Variants in MED27 observed in about 807,000 individuals in gnomAD.
The protein encoded by MED27 is mediator complex subunit 27.
In MED27, 30 loss-of-function variants were observed where a neutral mutation model predicts 38.2. The observed-to-expected ratio is 0.79, with a 90% confidence interval of 0.59 to 1.07. The LOEUF is 1.07. MED27 is among the 50% of genes least tolerant of loss of function. The pLI is 0.00. For synonymous variants in MED27, 122 were observed against 153.5 expected (o/e 0.79, Z 1.52); for missense variants, 289 against 397.5 (o/e 0.73, Z 2.32).
chr9:131,899,866 G>A (rs1400873937), intron 4 of MED27, among the ~76,000 whole-genome samples: 1 of 152,218 alleles, frequency 6.6e-6, no homozygotes, highest in African/African-American at 2.4e-5. Context: ...CTGATAAAGA[G>A]ATGCAGCACA....
At chr9:132,076,081 A>G (rs1297026057) in intron 2 of MED27, among the ~76,000 whole-genome samples, 1 of 152,108 alleles carries the variant, frequency 6.6e-6, no homozygotes, top group Non-Finnish European at 1.5e-5. Context: ...ATGTATATCC[A>G]CAGCTGCTGA....
chr9:131,906,165 C>T (rs949951515), intron 4 of MED27, among the ~76,000 whole-genome samples: 5 of 152,316 alleles, frequency 3.3e-5, no homozygotes, highest in South Asian at 2.1e-4. Flanking sequence ...GTACCCACCA[C>T]GTGCCAAGCA....
chr9:131,952,403 C>G (rs929069684), intron 3 of MED27, among the ~76,000 whole-genome samples: 2 of 152,180 alleles, frequency 1.3e-5, no homozygotes, highest in Admixed American at 1.3e-4. Flanking sequence ...CATCACAGAC[C>G]TTGTTCCTGG....
At chr9:131,952,475 A>G (rs997436174) in intron 3 of MED27, among the ~76,000 whole-genome samples, 3 of 151,984 alleles carry the variant, frequency 2.0e-5, no homozygotes, top group Non-Finnish European at 4.4e-5. Context: ...CTGCCCCACT[A>G]CCTTATGTAA....
At chr9:131,869,965 G>A (rs956861518) in intron 6 of MED27, among the ~76,000 whole-genome samples, 1 of 152,048 alleles carries the variant, frequency 6.6e-6, no homozygotes, top group African/African-American at 2.4e-5. Flanking sequence ...GGAGAGAATG[G>A]AGCTTAGGGA....
At chr9:131,988,087 A>G (rs547539835) in intron 3 of MED27, among the ~76,000 whole-genome samples, 1 of 152,382 alleles carries the variant, frequency 6.6e-6, no homozygotes, top group African/African-American at 2.4e-5. Context: ...ACAACAGTCA[A>G]TAAGTAAAAT....
chr9:131,986,904 G>T (rs1831862026), intron 3 of MED27, among the ~76,000 whole-genome samples: 1 of 149,638 alleles, frequency 6.7e-6, no homozygotes, highest in Admixed American at 6.7e-5. Context: ...TTTGCTGAAT[G>T]AATGAACTGA....
At chr9:131,871,230 T>C (rs1374654789) in intron 6 of MED27, among the ~76,000 whole-genome samples, 6 of 152,048 alleles carry the variant, frequency 3.9e-5, no homozygotes, top group Non-Finnish European at 8.8e-5. Context: ...TTTTTCCTAC[T>C]CAGGCCCTCT....
chr9:131,869,663 T>A (rs916265435), intron 6 of MED27, among the ~76,000 whole-genome samples: 1 of 151,928 alleles, frequency 6.6e-6, no homozygotes, highest in African/African-American at 2.4e-5. Flanking sequence ...AGGGTAGCAA[T>A]AAACCAGTGA....
Position 131,963,947 on chromosome 9 carries a change from C to T in MED27, c.480-24473G>A, listed in dbSNP as rs113180246. On this transcript the variant is annotated intron_variant, in intron 3 of 7. Coordinates refer to ENST00000292035, the MANE Select transcript of MED27 (RefSeq NM_004269.4). ...CTCCATACTTCTTGGTTCTTGACTG[C>T]GTTCCAATTTATTACGGGGGTTAAA... 1.9e-3 allele frequency among the ~76,000 whole-genome samples: 290 copies of T among 152,166 alleles called. 1 individual carries two copies. The highest frequency in any genetic ancestry group is 6.1e-3 in the African/African-American group (252 of 41,530).
intron 3 of MED27, among the ~76,000 whole-genome samples, chr9:132,012,891 AG>A (rs1239460743): frequency 6.6e-6 from 1 of 152,202 alleles, no homozygotes; most frequent in Non-Finnish European, 1.5e-5. Context: ...GACACAGAGT[AG>A]GTACAATAAA....
intron 3 of MED27, among the ~76,000 whole-genome samples, chr9:132,010,409 T>C (rs1187878632): frequency 1.3e-5 from 2 of 152,100 alleles, no homozygotes; most frequent in Non-Finnish European, 2.9e-5. Context: ...TGTGGAGAAA[T>C]AGGAACACTT....
rs1491112467 is a variant in MED27, at chr9:132,062,615, CAT to C, written c.348+14825_348+14826del. ...TGAGCACGAGAAGGAGTCATCAATA[CAT>C]TTTTTTTTTTTTTTTAAACAGACAG... is the stretch of plus-strand genomic sequence containing the variant. On this transcript the variant is annotated intron_variant, in intron 2 of 7. Transcript: ENST00000292035. 5.2e-5 allele frequency among the ~76,000 whole-genome samples: 5 copies of C among 95,806 alleles called. No homozygotes were observed. The East Asian group carries it at 1.5e-3, about 28-fold the overall frequency. The allele number at this position is 95,806 out of a possible 152,430, so 62.9% of individuals were successfully genotyped here.
chr9:131,932,849 T>C (rs1426471564), intron 4 of MED27, among the ~76,000 whole-genome samples: 1 of 152,146 alleles, frequency 6.6e-6, no homozygotes, highest in Non-Finnish European at 1.5e-5. Context: ...CTGATGATTA[T>C]TGATGCAAAA....
chr9:132,032,313 A>C (rs1832981955), intron 2 of MED27: 1 of 152,160 alleles, frequency 6.6e-6, no homozygotes, highest in South Asian at 2.1e-4. Flanking sequence ...TTTGGTGTTT[A>C]CCGAGAAAGT....
chr9:132,035,535 T>C (rs1833054443), intron 2 of MED27, among the ~76,000 whole-genome samples: 1 of 152,080 alleles, frequency 6.6e-6, no homozygotes, highest in African/African-American at 2.4e-5. Context: ...TAGTAAATAG[T>C]GTGGTAAAGG....
At chr9:131,910,055 A>G (rs1378086373) in intron 4 of MED27, among the ~76,000 whole-genome samples, 5 of 152,210 alleles carry the variant, frequency 3.3e-5, no homozygotes, top group Non-Finnish European at 7.3e-5. Context: ...TGTAGAATGC[A>G]TTTACAAAAC....
chr9:131,901,028 G>A (rs1357896624), intron 4 of MED27, among the ~76,000 whole-genome samples: 1 of 141,314 alleles, frequency 7.1e-6, no homozygotes, highest in Non-Finnish European at 1.5e-5. Flanking sequence ...AAGGAGAGGG[G>A]GGAGAGAAAG....
intron 6 of MED27, among the ~76,000 whole-genome samples, chr9:131,867,095 C>T (rs897528741): frequency 9.2e-5 from 14 of 152,208 alleles, no homozygotes; most frequent in South Asian, 2.1e-4. Context: ...ATGTTTGTTT[C>T]GTGTCAATTT....
Sources: gnomAD v4.1 joint callset for allele counts (sites outside exome capture counted in the v4.1 genomes callset) on GRCh38, gnomAD v4.1.1 for gene constraint, MANE v1.5 for transcripts, NCBI Gene and HGNC (gene_info 2026-07-23, HGNC 2026-07-21) for gene names.